EFEMP2: variants seen among roughly 807,000 people sequenced by gnomAD.
EFEMP2 encodes EGF-like fibulin extracellular matrix protein 2.
EFEMP2 carries 21 observed loss-of-function variants against 55.3 expected under a neutral mutation model. The observed-to-expected ratio is 0.38, with a 90% CI of 0.27 to 0.55. The LOEUF (loss-of-function observed/expected upper bound fraction) is 0.55, where lower values mean the gene tolerates loss of function less well. Among genes scored for constraint, EFEMP2 ranks in the 20% least tolerant of loss-of-function variants. The probability of loss-of-function intolerance (pLI) is 0.77; values close to 1 mark genes in which losing one functional copy is unlikely to be tolerated. For synonymous variants in EFEMP2, 275 were observed against 242.3 expected (o/e 1.14, Z -1.25); for missense variants, 513 against 615.1 (o/e 0.83, Z 1.76).
chr11:65,867,599 G>T (rs1420086965), intron 10 of EFEMP2: 9 of 532,136 alleles, frequency 1.7e-5, no homozygotes, highest in Non-Finnish European at 2.7e-5. Flanking sequence ...CCATTCCCTT[G>T]GTTTGTGGGT....
Position 65,868,636 on chromosome 11 carries a change from A to G in EFEMP2, c.728-7T>C. Reference sequence around the variant, plus strand: ...TAGCTACACTCATCAATATCTGAGGAAGCATGGGGATGGGGACCCCGGGTC... The same window carrying G: ...TAGCTACACTCATCAATATCTGAGGGAGCATGGGGATGGGGACCCCGGGTC... On this transcript the variant is annotated splice_region_variant and splice_polypyrimidine_tract_variant and intron_variant, in intron 7 of 10. Coordinates refer to ENST00000307998, the MANE Select transcript of EFEMP2 (RefSeq NM_016938.5). 1 of 1,613,776 alleles carries G rather than the reference A, an allele frequency of 6.2e-7. No individual in the cohort carries two copies. The highest frequency in any genetic ancestry group is 8.5e-7 in the Non-Finnish European group (1 of 1,180,010).
Position 65,866,485 on chromosome 11 carries a change from A to G in EFEMP2, c.*433T>C. On this transcript the variant is annotated 3_prime_UTR_variant, in exon 11 of 11. Coordinates refer to ENST00000307998, the MANE Select transcript of EFEMP2 (RefSeq NM_016938.5). ...TTTTATAGAAAAACAGGCCCAGGGA[A>G]CTACTAGGGCTTATCCAAATGTACA... The G allele has an allele frequency of 1.4e-6, 1 of 702,260 alleles. No homozygotes were observed. 43.5% of individuals were successfully genotyped at this position (702,260 alleles called of 1,614,324 possible). A position where few individuals can be genotyped will look rare whatever the true frequency, so the allele number is the denominator to read the frequency against.
At position 65,868,501 on chromosome 11, in the gene EFEMP2, A is replaced by G. The variant is rs953815379; in HGVS notation, c.847+9T>C. On this transcript the variant is annotated intron_variant, in intron 8 of 10. Transcript: ENST00000307998. Reference sequence around the variant, plus strand: ...ACCGTCCTGCCCATCCCACCCGGGCAACCTGTACCTTGGCAGAGGCGTGTG... The same window carrying G: ...ACCGTCCTGCCCATCCCACCCGGGCGACCTGTACCTTGGCAGAGGCGTGTG... The G allele has an allele frequency of 6.2e-7, 1 of 1,613,980 alleles. No homozygotes were observed. Among genetic ancestry groups the G allele is most frequent in the East Asian group, 2.2e-5 (1 of 44,890 alleles).
chr11:65,869,666 G>T (rs1364216189), intron 7 of EFEMP2, 191 bp downstream of exon 7: 3 of 789,406 alleles, frequency 3.8e-6, no homozygotes, highest in Admixed American at 2.0e-5. Context: ...GGACGTAGCT[G>T]CCTCTCCTTG....
chr11:65,867,667 G>C (rs1234017648), intron 10 of EFEMP2, 194 bp downstream of exon 10: 2 of 656,540 alleles, frequency 3.0e-6, no homozygotes, highest in Non-Finnish European at 5.4e-6. Flanking sequence ...CCGTGTCCGA[G>C]TGCTTCGTTA....
In EFEMP2 at chr11:65,868,421, T is replaced by C. The variant is rs113520206; in HGVS notation, c.848A>G (p.Asp283Gly). The stretch of plus-strand genomic sequence containing the variant: ...CGCACCAGACTCACACTCATCAATG[T>C]CTGTGCCAGGGGAGAGGGGCTGGAA... The part of the protein sequence containing the change: ...YQLLATRLCQ[D>G]IDECESGAHQ... The change falls in exon 9 of 11, where the codon GAC (aspartate) becomes GGC (glycine). Residue 283 changes from aspartate to glycine, a missense_variant and splice_region_variant. By Grantham distance (94) the Asp-to-Gly change is moderately conservative. Coordinates refer to ENST00000307998, the MANE Select transcript of EFEMP2 (RefSeq NM_016938.5). 6.2e-7 allele frequency: 1 copy of C among 1,613,936 alleles called. No individual in the cohort carries two copies.
intron 7 of EFEMP2, 74 bp from the exon 8 acceptor site, chr11:65,868,703 G>A: frequency 6.3e-7 from 1 of 1,596,424 alleles, no homozygotes; most frequent in Non-Finnish European, 8.5e-7. Flanking sequence ...CATTTCCCAA[G>A]AAGGCCCAGC....
At chr11:65,871,829 G>T in intron 3 of EFEMP2, 141 bp downstream of exon 3, 1 of 1,072,514 alleles carries the variant, frequency 9.3e-7, no homozygotes, top group Non-Finnish European at 1.4e-6. Context: ...AGCCAGAGCT[G>T]GCCTCTGTGT....
chr11:65,869,939 C>G lies in EFEMP2; in HGVS notation c.645G>C (p.Gln215His). 1 of 1,614,010 alleles carries G rather than the reference C, an allele frequency of 6.2e-7. No homozygotes were observed. The highest frequency in any genetic ancestry group is 8.5e-7 in the Non-Finnish European group (1 of 1,179,996). ...AGGTCCCATAGGAGTTGAAGCAGCG[C>G]TGCTCGCATGGGGCCCCCATGTCAC... ...NECDMGAPCE[Q>H]RCFNSYGTFL... Residue 215 changes from glutamine (Q) to histidine (H), a missense_variant, in exon 7 of 11, where the codon CAG (glutamine) becomes CAC (histidine). Gln to His is a conservative substitution (Grantham distance 24). Transcript: ENST00000307998.
intron 1 of EFEMP2, 73 bp from the exon 2 acceptor site, chr11:65,872,434 C>T (rs1477916922): frequency 1.9e-6 from 2 of 1,072,666 alleles, no homozygotes; most frequent in Non-Finnish European, 2.8e-6. Flanking sequence ...GAGCCCGAGC[C>T]CAGCCCCCGC....
At position 65,866,597 on chromosome 11, in the gene EFEMP2, T is replaced by A. The variant is rs1429527456; in HGVS notation, c.*321A>T. ...TTAGGACCCCTGCAAGCCAGCCAAG[T>A]CCAAATCTCTGGGCCGGGGCCTGGA... On this transcript the variant is annotated 3_prime_UTR_variant, in exon 11 of 11. Coordinates refer to ENST00000307998, the MANE Select transcript of EFEMP2 (RefSeq NM_016938.5). 5.7e-6 allele frequency: 4 copies of A among 702,712 alleles called. No individual in the cohort carries two copies. The Middle Eastern group carries it at 6.9e-4, about 121-fold the overall frequency. The allele number at this position is 702,712 out of a possible 1,614,324, so 43.5% of individuals were successfully genotyped here. A position where few individuals can be genotyped will look rare whatever the true frequency, so the allele number is the denominator to read the frequency against.
Position 65,870,555 on chromosome 11 carries a change from C to G in EFEMP2, c.471G>C (p.Lys157Asn), listed in dbSNP as rs754676480. The change falls in exon 5 of 11, where the codon AAG becomes AAC. Residue 157 changes from lysine (K) to asparagine (N), a missense_variant. By Grantham distance (94) the Lys-to-Asn change is moderately conservative. Coordinates refer to ENST00000307998, the MANE Select transcript of EFEMP2 (RefSeq NM_016938.5). ...ACTCACCCACACACTCGGGCCCGAT[C>G]TTGCGGTAACCATCAGGGCAGGTGC... ...YQCTCPDGYR[K>N]IGPECVDIDE... 6.2e-7 allele frequency: 1 copy of G among 1,614,062 alleles called. No homozygotes were observed. Among genetic ancestry groups the G allele is most frequent in the Non-Finnish European group, 8.5e-7 (1 of 1,179,984 alleles).
At chr11:65,871,557 C>G (rs1443175664) in intron 3 of EFEMP2, 194 bp from the exon 4 acceptor site, 3 of 621,236 alleles carry the variant, frequency 4.8e-6, no homozygotes, top group Non-Finnish European at 8.5e-6. Flanking sequence ...GGCAGCTGTT[C>G]CCACTGTTGC....
At chr11:65,870,797 C>T in intron 4 of EFEMP2, 139 bp from the exon 5 acceptor site, 4 of 1,269,950 alleles carry the variant, frequency 3.1e-6, no homozygotes, top group Non-Finnish European at 4.5e-6. Flanking sequence ...AAAGGCACCC[C>T]TAACCTCTAA....
rs1565275010 is a variant in EFEMP2 at position 65,872,361 on chromosome 11, G to C, written c.-7C>G. ...AGGAGGCGCAGGGGAGCATCCTGGG[G>C]CTGCGAGATGGTGGACACGGGTCAG... On this transcript the variant is annotated splice_region_variant and 5_prime_UTR_variant, in exon 2 of 11. Coordinates refer to ENST00000307998, the MANE Select transcript of EFEMP2 (RefSeq NM_016938.5). 1 of 1,545,606 alleles carries C rather than the reference G, an allele frequency of 6.5e-7. No homozygotes were observed. The highest frequency in any genetic ancestry group is 2.0e-5 in the Admixed American group (1 of 50,992).
rs1447921822 is a variant in EFEMP2 at position 65,868,060 on chromosome 11, G to C, written c.975-4C>G. 6.2e-7 allele frequency: 1 copy of C among 1,613,494 alleles called. No individual in the cohort carries two copies. Among genetic ancestry groups the C allele is most frequent in the Admixed American group, 1.7e-5 (1 of 60,010 alleles). On this transcript the variant is annotated splice_region_variant and splice_polypyrimidine_tract_variant and intron_variant, in intron 9 of 10. Coordinates refer to ENST00000307998, the MANE Select transcript of EFEMP2 (RefSeq NM_016938.5). ...GGAGGCCGGGCAGAGACAGCGGCTA[G>C]AGACCCCGAGGTGGGGGACACAAAT...
intron 3 of EFEMP2, 36 bp downstream of exon 3, chr11:65,871,934 G>C (rs759902137): frequency 6.4e-6 from 10 of 1,551,186 alleles, no homozygotes; most frequent in Non-Finnish European, 8.7e-6. Flanking sequence ...CCCTTTCCGG[G>C]TTCCTGGGGG....
chr11:65,868,773 G>T, intron 7 of EFEMP2, 144 bp from the exon 8 acceptor site: 1 of 1,152,256 alleles, frequency 8.7e-7, no homozygotes, highest in South Asian at 1.3e-5. Context: ...AAGTTCAGCC[G>T]GGAGATGGAG....
chr11:65,868,280 A>G lies in EFEMP2; in HGVS notation c.974+15T>C. 1.9e-6 allele frequency: 3 copies of G among 1,613,504 alleles called. No individual in the cohort carries two copies. The highest frequency in any genetic ancestry group is 2.5e-6 in the Non-Finnish European group (3 of 1,180,018). On this transcript the variant is annotated intron_variant, in intron 9 of 10. Transcript: ENST00000307998. ...GACGTAGTTTCTGTGGGGGCCTGGC[A>G]TCGAATTGACTCACTTCTCAGAGAC...
Sources: allele counts gnomAD v4.1 joint callset, GRCh38; gene constraint gnomAD v4.1.1; transcripts MANE v1.5; gene names NCBI Gene and HGNC (gene_info 2026-07-23, HGNC 2026-07-21).